The following SMC2 variants were observed in gnomAD, a reference collection of about 807,000 sequenced individuals.
SMC2 encodes structural maintenance of chromosomes protein 2.
A neutral mutation model predicts 142.6 loss-of-function variants in SMC2; 41 were observed. That is an observed-to-expected ratio of 0.29 (90% CI 0.22 to 0.37). The LOEUF is 0.37. Among genes scored for constraint, SMC2 ranks in the 10% least tolerant of loss-of-function variants. SMC2 has a pLI of 1.00. For missense variants in SMC2, 1,265 were observed against 1,373.7 expected, an observed-to-expected ratio of 0.92 and a Z score of 1.25; for synonymous variants, 463 against 457.5, an observed-to-expected ratio of 1.01 and a Z score of -0.15.
intron 3 of SMC2, among the ~76,000 whole-genome samples, chr9:104,097,057 C>G (rs1248987990): frequency 6.6e-6 from 1 of 150,666 alleles, no homozygotes; most frequent in Non-Finnish European, 1.5e-5. Flanking sequence ...TTACTTGAAA[C>G]CACTCAATTT....
chr9:104,102,364 TAAAATGAC>T, intron 8 of SMC2, 52 bp from the exon 9 acceptor site: 2 of 1,475,708 alleles, frequency 1.4e-6, no homozygotes, highest in Non-Finnish European at 1.8e-6. Flanking sequence ...ACTCATACAA[TAAAATGAC>T]AGCGTGAACA....
Position 104,141,059 on chromosome 9 carries a change from C to A in SMC2, c.*1744C>A, listed in dbSNP as rs1418884580. The A allele has an allele frequency of 6.6e-6, 1 of 151,970 alleles. No individual in the cohort carries two copies. The highest frequency in any genetic ancestry group is 1.5e-5 in the Non-Finnish European group (1 of 67,982). 9.4% of individuals were successfully genotyped at this position (151,970 alleles called of 1,614,324 possible). On this transcript the variant is annotated 3_prime_UTR_variant, in exon 25 of 25. Transcript: ENST00000374793. ...GTATTAAATTGTTGTAACTTTTTTT[C>A]ATTAGAGGGAAGACATTAAGGGGAT... is the stretch of plus-strand genomic sequence containing the variant.
chr9:104,126,541 T>A lies in SMC2; in HGVS notation c.2452-100T>A, dbSNP rs6479216. 16,043 of 856,338 alleles carry A rather than the reference T, an allele frequency of 0.019. 904 individuals are homozygous for A. The African/African-American group carries it at 0.19, about 10-fold the overall frequency. 53.0% of individuals were successfully genotyped at this position (856,338 alleles called of 1,614,324 possible). On this transcript the variant is annotated intron_variant, in intron 18 of 24. Coordinates refer to ENST00000374793, the MANE Select transcript of SMC2 (RefSeq NM_006444.3). ...CTGAGTGGTAACAAAGCTGTGGGTCTTACTTGCATGAGATTATTATTTATT... is the reference window on the plus strand; with the variant it reads ...CTGAGTGGTAACAAAGCTGTGGGTCATACTTGCATGAGATTATTATTTATT...
chr9:104,120,257 TTCTCA>T (rs1428765537), intron 16 of SMC2, 95 bp downstream of exon 16: 1 of 1,171,416 alleles, frequency 8.5e-7, no homozygotes, highest in African/African-American at 1.6e-5. Context: ...CTTCTGACTT[TTCTCA>T]TATTTTTGGT....
At chr9:104,126,543 A>T in intron 18 of SMC2, 98 bp from the exon 19 acceptor site, 1 of 869,682 alleles carries the variant, frequency 1.1e-6, no homozygotes, top group Non-Finnish European at 1.6e-6. Flanking sequence ...TGTGGGTCTT[A>T]CTTGCATGAG....
chr9:104,098,827 A>G (rs537161624), intron 4 of SMC2, among the ~76,000 whole-genome samples: 1 of 124,168 alleles, frequency 8.1e-6, no homozygotes, highest in Admixed American at 7.6e-5. Flanking sequence ...AGAACAATAC[A>G]TGTTAACTGT....
At chr9:104,093,480 T>C (rs749890330), upstream of SMC2, among the ~76,000 whole-genome samples, 9 of 152,194 alleles carry the variant, frequency 5.9e-5, no homozygotes, top group Non-Finnish European at 1.2e-4. Flanking sequence ...ACGAGGGCAA[T>C]TTCTGATTTC....
chr9:104,129,963 T>C, intron 21 of SMC2, 118 bp downstream of exon 21: 2 of 727,578 alleles, frequency 2.7e-6, no homozygotes, highest in Admixed American at 2.8e-5. Flanking sequence ...TTGATACTTT[T>C]CTTTCTGCTT....
intron 17 of SMC2, 118 bp from the exon 18 acceptor site, chr9:104,124,794 T>C: frequency 1.5e-6 from 1 of 668,850 alleles, no homozygotes; most frequent in Non-Finnish European, 2.5e-6. Context: ...ATCATTGGGA[T>C]AGTTAATTTT....
intron 9 of SMC2, among the ~76,000 whole-genome samples, chr9:104,104,897 G>T (rs1049631735): frequency 3.9e-5 from 6 of 152,240 alleles, no homozygotes; most frequent in African/African-American, 1.4e-4. Context: ...GGATGATCAG[G>T]CCTGCCTGGA....
chr9:104,130,553 T>TA (rs1834850256), intron 21 of SMC2, among the ~76,000 whole-genome samples: 1 of 152,160 alleles, frequency 6.6e-6, no homozygotes, highest in Admixed American at 6.5e-5. Context: ...GCGACACTGA[T>TA]AATAGCACAG....
chr9:104,116,111 A>T, intron 13 of SMC2, 89 bp from the exon 14 acceptor site: 1 of 1,144,966 alleles, frequency 8.7e-7, no homozygotes, highest in Non-Finnish European at 1.2e-6. Flanking sequence ...GGCACTAAAC[A>T]TTCATTTATT....
Position 104,127,296 on chromosome 9 carries a change from A to T in SMC2, c.2606A>T (p.Asn869Ile). 4 of 1,577,754 alleles carry T rather than the reference A, an allele frequency of 2.5e-6. No individual in the cohort carries two copies. Among genetic ancestry groups the T allele is most frequent in the Non-Finnish European group, 3.4e-6 (4 of 1,162,510 alleles). Residue 869 changes from asparagine (N) to isoleucine (I), a missense_variant, in exon 20 of 25, where the codon AAT becomes ATT. By Grantham distance (149) the Asn-to-Ile change is moderately radical (BLOSUM62 -3). Around this residue, in one of 4 missense-constraint regions of SMC2, gnomAD observed 898 missense variants for 904.2 expected, o/e 0.99. Transcript: ENST00000374793. The stretch of plus-strand genomic sequence containing the variant: ...ATTTTTTTGTTTTAGGAGTCAGTAA[A>T]TAAAGCTCAAGAAGAGGTGACCAAG... ...AEVAKNKESV[N>I]KAQEEVTKQK...
chr9:104,137,630 C>T (rs1054642863), intron 23 of SMC2, among the ~76,000 whole-genome samples: 3 of 151,792 alleles, frequency 2.0e-5, no homozygotes, highest in Admixed American at 1.3e-4. Flanking sequence ...TTACTGTTAC[C>T]AAGATCATAG....
Position 104,098,472 on chromosome 9 carries a change from T to C in SMC2, c.345T>C (p.Tyr115=), listed in dbSNP as rs757983427. 18 of 1,593,154 alleles carry C rather than the reference T, an allele frequency of 1.1e-5. No homozygotes were observed. Among genetic ancestry groups the C allele is most frequent in the South Asian group, 4.6e-5 (4 of 86,406 alleles). Residue 115 remains tyrosine (Y), a synonymous_variant, in exon 4 of 25, where the codon TAT becomes TAC. Transcript: ENST00000374793. ...RQVVIGGRNK[Y]LINGVNANNT... ...TGGTTATTGGTGGTAGAAATAAATA[T>C]TTAATCAATGGAGTCAATGCCAACA... is the stretch of plus-strand genomic sequence containing the variant.
At chr9:104,127,689 T>C (rs1379186381) in intron 20 of SMC2, among the ~76,000 whole-genome samples, 1 of 152,214 alleles carries the variant, frequency 6.6e-6, no homozygotes, top group Non-Finnish European at 1.5e-5. Context: ...GATTTAACTT[T>C]AGATATTTTT....
chr9:104,112,647 T>A (rs867725885), intron 10 of SMC2, among the ~76,000 whole-genome samples: 1 of 152,156 alleles, frequency 6.6e-6, no homozygotes, highest in Non-Finnish European at 1.5e-5. Flanking sequence ...GTTTGTCTAT[T>A]ATTTTATAAG....
intron 13 of SMC2, among the ~76,000 whole-genome samples, chr9:104,115,763 C>T (rs1320330780): frequency 6.6e-6 from 1 of 152,136 alleles, no homozygotes; most frequent in East Asian, 1.9e-4. Flanking sequence ...TAATTATAGT[C>T]CTCATGCTAT....
intron 16 of SMC2, among the ~76,000 whole-genome samples, 187 bp downstream of exon 16, chr9:104,120,349 T>G (rs1355655167): frequency 2.0e-5 from 3 of 152,224 alleles, no homozygotes; most frequent in Non-Finnish European, 4.4e-5. Context: ...GAGAGATGTC[T>G]TTGTTAAGAA....
Sources: gnomAD v4.1 joint callset for allele counts (sites outside exome capture counted in the v4.1 genomes callset) on GRCh38, gnomAD v4.1.1 for gene constraint, gnomAD v4.1.1 regional missense constraint, MANE v1.5 for transcripts, NCBI Gene and HGNC (gene_info 2026-07-23, HGNC 2026-07-21) for gene names.